Variants in BCKDHB observed in about 807,000 individuals in gnomAD.
BCKDHB encodes branched chain keto acid dehydrogenase E1 subunit beta, also known as 2-oxoisovalerate dehydrogenase subunit beta, mitochondrial.
A neutral mutation model predicts 48.5 loss-of-function variants in BCKDHB; 41 were observed. The observed-to-expected ratio is 0.85, with a 90% CI of 0.66 to 1.10. The LOEUF (loss-of-function observed/expected upper bound fraction) is 1.10, where lower values mean the gene tolerates loss of function less well. Among genes scored for constraint, BCKDHB ranks in the 50% least tolerant of loss-of-function variants. The pLI is 0.00. For missense variants in BCKDHB, 496 were observed against 494.2 expected (o/e 1.00, Z -0.03); for synonymous variants, 201 against 174.8 (o/e 1.15, Z -1.18).
chr6:80,258,434 C>A (rs1777150057), intron 8 of BCKDHB, among the ~76,000 whole-genome samples: 1 of 152,206 alleles, frequency 6.6e-6, no homozygotes, highest in African/African-American at 2.4e-5. Flanking sequence ...TGTTATTCTT[C>A]CTTAAAAAGC....
At chr6:80,227,620 C>T (rs1303715394) in intron 8 of BCKDHB, among the ~76,000 whole-genome samples, 1 of 152,028 alleles carries the variant, frequency 6.6e-6, no homozygotes, top group Non-Finnish European at 1.5e-5. Flanking sequence ...ATTTGAGTGC[C>T]CTATAAATCT....
chr6:80,153,213 T>A (rs1253824744), intron 3 of BCKDHB, among the ~76,000 whole-genome samples: 1 of 152,106 alleles, frequency 6.6e-6, no homozygotes, highest in Non-Finnish European at 1.5e-5. Flanking sequence ...AACCTCAGGA[T>A]TTTTGGATGA....
At chr6:80,232,552 T>C (rs1775971910) in intron 8 of BCKDHB, among the ~76,000 whole-genome samples, 1 of 151,202 alleles carries the variant, frequency 6.6e-6, no homozygotes, top group African/African-American at 2.4e-5. Context: ...ATATTCTCTC[T>C]ATAGCACATA....
At chr6:80,402,472 T>G in the BCKDHB span, among the ~76,000 whole-genome samples, 1 of 151,676 alleles carries the variant, frequency 6.6e-6, no homozygotes, top group Non-Finnish European at 1.5e-5. Flanking sequence ...TATGTTTGCT[T>G]TTGGGTTGTA....
chr6:80,253,913 A>G (rs1776939723), intron 8 of BCKDHB, among the ~76,000 whole-genome samples: 1 of 151,880 alleles, frequency 6.6e-6, no homozygotes, highest in African/African-American at 2.4e-5. Flanking sequence ...ATTAAAATAG[A>G]AATTAAAAAA....
chr6:80,203,371 G>A (rs1774490459), intron 8 of BCKDHB, among the ~76,000 whole-genome samples, 159 bp downstream of exon 8: 1 of 152,088 alleles, frequency 6.6e-6, no homozygotes, highest in Non-Finnish European at 1.5e-5. Context: ...TGTATAAACA[G>A]CTTCATGCTC....
In BCKDHB at chr6:80,171,268, A is replaced by G. The variant is rs1772899784; in HGVS notation, c.634-14A>G. On this transcript the variant is annotated splice_polypyrimidine_tract_variant and intron_variant, in intron 5 of 9. Transcript: ENST00000320393. ...TTTTTACTAAAATTGTCTTAAAAAA[A>G]TCTGTTTTTGCAGGTGGTTATACCC... is the stretch of plus-strand genomic sequence containing the variant. 2.6e-6 allele frequency: 4 copies of G among 1,544,618 alleles called. No individual in the cohort carries two copies. The highest frequency in any genetic ancestry group is 1.1e-5 in the South Asian group (1 of 88,374).
intron 9 of BCKDHB, among the ~76,000 whole-genome samples, chr6:80,323,812 G>A (rs1322759717): frequency 6.6e-6 from 1 of 152,172 alleles, no homozygotes; most frequent in African/African-American, 2.4e-5. Flanking sequence ...TCGCTCTGTT[G>A]CCCAGGCTGG....
intron 5 of BCKDHB, chr6:80,169,908 A>T: frequency 6.4e-7 from 1 of 1,556,018 alleles, no homozygotes; most frequent in Non-Finnish European, 8.6e-7. Flanking sequence ...GTGCGAGGCA[A>T]GTTATTTTTG....
intron 8 of BCKDHB, among the ~76,000 whole-genome samples, chr6:80,215,175 T>C (rs1411693842): frequency 6.6e-6 from 1 of 152,206 alleles, no homozygotes; most frequent in African/African-American, 2.4e-5. Flanking sequence ...TGGAATTATT[T>C]TGGATATGGT....
the BCKDHB span, among the ~76,000 whole-genome samples, chr6:80,389,372 T>A: frequency 6.6e-6 from 1 of 152,212 alleles, no homozygotes; most frequent in Non-Finnish European, 1.5e-5. Context: ...ACTGAGCCCT[T>A]GATATGGCAC....
the BCKDHB span, among the ~76,000 whole-genome samples, chr6:80,409,792 C>T: frequency 6.6e-6 from 1 of 151,388 alleles, no homozygotes; most frequent in Non-Finnish European, 1.5e-5. Context: ...TTTCCTCTAT[C>T]CCTTTATTTT....
intron 9 of BCKDHB, among the ~76,000 whole-genome samples, chr6:80,281,739 C>T (rs1163538493): frequency 6.6e-6 from 1 of 152,108 alleles, no homozygotes; most frequent in Non-Finnish European, 1.5e-5. Flanking sequence ...CCCTCTCCTC[C>T]CTGCCCCTCT....
chr6:80,149,691 A>T (rs543657845), intron 3 of BCKDHB, among the ~76,000 whole-genome samples: 1 of 151,288 alleles, frequency 6.6e-6, no homozygotes, highest in African/African-American at 2.4e-5. Flanking sequence ...ACATGGATGA[A>T]ATTGGAAATC....
chr6:80,298,119 C>CT (rs551996758), intron 9 of BCKDHB, among the ~76,000 whole-genome samples: 3 of 151,250 alleles, frequency 2.0e-5, no homozygotes, highest in Non-Finnish European at 3.0e-5. Context: ...AAATTTCTTT[C>CT]TTTTTTTTTC....
At chr6:80,406,917 T>C in the BCKDHB span, among the ~76,000 whole-genome samples, 2 of 152,232 alleles carry the variant, frequency 1.3e-5, no homozygotes, top group Non-Finnish European at 2.9e-5. Flanking sequence ...GTTTTAGTCA[T>C]GAAGTCCTTG....
At chr6:80,374,999 G>A in the BCKDHB span, among the ~76,000 whole-genome samples, 1 of 152,150 alleles carries the variant, frequency 6.6e-6, no homozygotes, top group South Asian at 2.1e-4. Context: ...CTAGCTTGTA[G>A]GGTTTCTGCT....
At chr6:80,150,550 C>CTTTTTT (rs758701261) in intron 3 of BCKDHB, among the ~76,000 whole-genome samples, 20 of 105,474 alleles carry the variant, frequency 1.9e-4, no homozygotes, top group Admixed American at 3.6e-4. Context: ...AGTTTGTCAT[C>CTTTTTT]TTTTTTTTTT....
intron 3 of BCKDHB, among the ~76,000 whole-genome samples, chr6:80,142,195 C>T (rs758897793): frequency 1.3e-5 from 2 of 151,626 alleles, no homozygotes; most frequent in Non-Finnish European, 2.9e-5. Context: ...AATCTATGTA[C>T]GTAGTTGAAA....
Sources: allele counts gnomAD v4.1 joint callset (sites outside exome capture counted in the v4.1 genomes callset), GRCh38; gene constraint gnomAD v4.1.1; transcripts MANE v1.5; gene names NCBI Gene and HGNC (gene_info 2026-07-23, HGNC 2026-07-21).